KDM1A: variants seen among roughly 807,000 people sequenced by gnomAD.
The protein encoded by KDM1A is lysine-specific histone demethylase 1A.
In KDM1A, 49 loss-of-function variants were observed where a neutral mutation model predicts 109.4. That is an observed-to-expected ratio of 0.45 (90% CI 0.36 to 0.57). KDM1A has a LOEUF of 0.57. Ranked by LOEUF, KDM1A falls within the 20% of genes least tolerant of loss-of-function variation. The pLI is 0.00. For missense variants in KDM1A, 668 were observed against 1,116.6 expected (o/e 0.60, Z 5.73); for synonymous variants, 380 against 415.4 (o/e 0.91, Z 1.04).
At chr1:23,067,938 G>A (rs1303366018) in intron 10 of KDM1A, among the ~76,000 whole-genome samples, 2 of 152,138 alleles carry the variant, frequency 1.3e-5, no homozygotes. Flanking sequence ...TCTCTTAAGA[G>A]CTTTGTACAT....
In KDM1A at chr1:23,019,605, TG is replaced by T; in HGVS notation, c.12del (p.Lys5ArgfsTer97). MLS[G>X]KKAAAAAAAA... ...CGGCCCGGCGGCCCGAGATGTTATC[TG>T]GGAAGAAGGCGGCAGCCGCGGCGGC... On this transcript the variant is annotated frameshift_variant, in exon 1 of 21. Transcript: ENST00000400181. LOFTEE classifies it high-confidence loss of function. 1 of 1,426,548 alleles carries T rather than the reference TG, an allele frequency of 7.0e-7. No homozygotes were observed. Among genetic ancestry groups the T allele is most frequent in the Non-Finnish European group, 9.1e-7 (1 of 1,099,898 alleles). 88.4% of individuals were successfully genotyped at this position (1,426,548 alleles called of 1,614,324 possible).
At chr1:23,078,611 CCA>C (rs1376372846) in intron 16 of KDM1A, among the ~76,000 whole-genome samples, 2 of 152,174 alleles carry the variant, frequency 1.3e-5, no homozygotes, top group African/African-American at 2.4e-5. Flanking sequence ...GAGCAGCTAA[CCA>C]CAGTCAGAAG....
chr1:23,054,887 A>G (rs1324923665), intron 5 of KDM1A, among the ~76,000 whole-genome samples, 182 bp from the exon 6 acceptor site: 1 of 152,142 alleles, frequency 6.6e-6, no homozygotes, highest in African/African-American at 2.4e-5. Flanking sequence ...CAGTCTCCCA[A>G]AGCCACTAAG....
At chr1:23,043,645 C>T (rs1642418645) in intron 2 of KDM1A, among the ~76,000 whole-genome samples, 1 of 152,174 alleles carries the variant, frequency 6.6e-6, no homozygotes, top group Non-Finnish European at 1.5e-5. Flanking sequence ...TGGAAGAGTT[C>T]AGAAGACAAT....
intron 12 of KDM1A, 79 bp downstream of exon 12, chr1:23,069,230 G>A (rs1375738287): frequency 2.2e-5 from 19 of 874,094 alleles, no homozygotes; most frequent in Non-Finnish European, 2.5e-5. Context: ...AAGCATTTCC[G>A]AGATTTTTTC....
At chr1:23,082,001 C>CGCCGTATCA in intron 19 of KDM1A, 3 of 509,656 alleles carry the variant, frequency 5.9e-6, no homozygotes, top group South Asian at 3.0e-5. Context: ...TCTCTGGATT[C>CGCCGTATCA]ATAGACAGGA....
In KDM1A at chr1:23,055,873, C is replaced by CTGTA. The variant is rs1642814655; in HGVS notation, c.884-58_884-55dup. 11 of 1,087,442 alleles carry CTGTA rather than the reference C, an allele frequency of 1.0e-5. No individual in the cohort carries two copies. In the South Asian group the frequency reaches 1.5e-4, roughly 14 times the overall value. 67.4% of individuals were successfully genotyped at this position (1,087,442 alleles called of 1,614,324 possible). On this transcript the variant is annotated intron_variant, in intron 6 of 20. Coordinates refer to ENST00000400181, the MANE Select transcript of KDM1A (RefSeq NM_001009999.3). ...ACCTAGAGGTTTTCATGAAATAAGA[C>CTGTA]TGTAAGTACAAACTTTTATACCTAA...
At chr1:23,037,543 T>G (rs1251973926) in intron 2 of KDM1A, among the ~76,000 whole-genome samples, 1 of 152,184 alleles carries the variant, frequency 6.6e-6, no homozygotes, top group Non-Finnish European at 1.5e-5. Context: ...ATGGTTATCA[T>G]TTTTGTGGTG....
At chr1:23,071,168 T>G in intron 12 of KDM1A, 57 bp from the exon 13 acceptor site, 1 of 1,472,290 alleles carries the variant, frequency 6.8e-7, no homozygotes. Context: ...GTACATGTGA[T>G]GTAGACATAA....
Position 23,079,018 on chromosome 1 carries a change from C to T in KDM1A, c.1896C>T (p.Arg632=), listed in dbSNP as rs377276193. Residue 632 remains arginine, a synonymous_variant, in exon 17 of 21, where the codon CGC becomes CGT. Transcript: ENST00000400181. This position sits in a 1 kb window ranked among gnomAD's most constrained non-coding sequence, Gnocchi z 5.6. ...SGCEVIAVNT[R]STSQTFIYKC... ...GTGAAGTGATAGCTGTGAATACCCG[C>T]TCCACGAGTCAAACCTTTATTTATA... 1.4e-5 allele frequency: 22 copies of T among 1,614,164 alleles called. No individual in the cohort carries two copies. The East Asian group carries it at 4.0e-4, about 29-fold the overall frequency.
chr1:23,062,781 A>G (rs1164390615), intron 9 of KDM1A, among the ~76,000 whole-genome samples: 1 of 152,168 alleles, frequency 6.6e-6, no homozygotes, highest in Admixed American at 6.5e-5. Flanking sequence ...CTTAGTAAAG[A>G]TATTAATATG....
intron 12 of KDM1A, among the ~76,000 whole-genome samples, chr1:23,070,861 TAA>T (rs1213662189): frequency 2.0e-5 from 3 of 152,164 alleles, no homozygotes; most frequent in African/African-American, 7.2e-5. Context: ...AAAATAAGTT[TAA>T]GTTACATTAG....
chr1:23,042,457 T>TGTTTG (rs1642372310), intron 2 of KDM1A, among the ~76,000 whole-genome samples: 2 of 111,800 alleles, frequency 1.8e-5, no homozygotes, highest in African/African-American at 6.6e-5. Flanking sequence ...TTTTTTTTTT[T>TGTTTG]TTTTTTTTTT....
chr1:23,079,290 A>G lies in KDM1A; in HGVS notation c.2055+113A>G. ...TTTTGGGCATTTGGCTATGCTCCCAATTGTGACATCAGGGCTGAGGCGTGT... is the reference window on the plus strand; with the variant it reads ...TTTTGGGCATTTGGCTATGCTCCCAGTTGTGACATCAGGGCTGAGGCGTGT... On this transcript the variant is annotated intron_variant, in intron 17 of 20. Transcript: ENST00000400181. This position sits in a 1 kb window ranked among gnomAD's most constrained non-coding sequence, Gnocchi z 5.6. 1 of 1,081,430 alleles carries G rather than the reference A, an allele frequency of 9.2e-7. No homozygotes were observed. Among genetic ancestry groups the G allele is most frequent in the South Asian group, 1.5e-5 (1 of 65,876 alleles). The allele number at this position is 1,081,430 out of a possible 1,614,324, so 67.0% of individuals were successfully genotyped here. A position where few individuals can be genotyped will look rare whatever the true frequency, so the allele number is the denominator to read the frequency against.
At chr1:23,041,077 A>G (rs964256433) in intron 2 of KDM1A, among the ~76,000 whole-genome samples, 1 of 152,330 alleles carries the variant, frequency 6.6e-6, no homozygotes, top group Non-Finnish European at 1.5e-5. Flanking sequence ...TTTTATATAT[A>G]TCATAATCAG....
chr1:23,060,780 A>G (rs1414166976), intron 9 of KDM1A, among the ~76,000 whole-genome samples: 1 of 152,134 alleles, frequency 6.6e-6, no homozygotes, highest in Non-Finnish European at 1.5e-5. Flanking sequence ...GCTAGGCTTG[A>G]TTGTAGGTTG....
chr1:23,063,224 GTGTGTGGGTGTGTGTGT>G (rs1557569965), intron 9 of KDM1A, among the ~76,000 whole-genome samples: 85 of 64,628 alleles, frequency 1.3e-3, no homozygotes, highest in Non-Finnish European at 2.1e-3. Flanking sequence ...TGGGGTGGGT[GTGTGTGGGTGTGTGTGT>G]GTGTGTGTGT....
intron 1 of KDM1A, chr1:23,020,529 G>T (rs988596540): frequency 6.6e-6 from 1 of 151,510 alleles, no homozygotes. Context: ...ATCTTTTGGC[G>T]CAGAATTTTG....
chr1:23,044,511 C>G, intron 3 of KDM1A, 25 bp downstream of exon 3: 1 of 1,575,044 alleles, frequency 6.3e-7, no homozygotes, highest in Non-Finnish European at 8.6e-7. Context: ...AGATGCTTGC[C>G]ACTTAGTAGC....
Sources: allele counts gnomAD v4.1 joint callset (sites outside exome capture counted in the v4.1 genomes callset), GRCh38; gene constraint gnomAD v4.1.1; non-coding constraint Gnocchi (gnomAD v3.1); transcripts MANE v1.5; gene names NCBI Gene and HGNC (gene_info 2026-07-23, HGNC 2026-07-21).